WARS2: variants seen among roughly 807,000 people sequenced by gnomAD.
WARS2 encodes the protein tryptophan--tRNA ligase, mitochondrial.
A neutral mutation model predicts 36.5 loss-of-function variants in WARS2; 28 were observed. The ratio of observed to expected loss-of-function variants is 0.77; its 90% CI spans 0.57 to 1.05. WARS2 has a LOEUF of 1.05. WARS2 is among the 50% of genes least tolerant of loss of function. WARS2 has a pLI of 0.00. For synonymous variants in WARS2, 174 were observed against 178.4 expected (o/e 0.98, Z 0.20); for missense variants, 435 against 456.8 (o/e 0.95, Z 0.44).
At chr1:119,098,583 G>A (rs950833532) in intron 1 of WARS2, among the ~76,000 whole-genome samples, 1 of 151,550 alleles carries the variant, frequency 6.6e-6, no homozygotes, top group South Asian at 2.1e-4. Context: ...CATTACAGGC[G>A]CCCGCCATCA....
chr1:119,066,403 G>T (rs1036540236), intron 2 of WARS2, among the ~76,000 whole-genome samples: 1 of 150,914 alleles, frequency 6.6e-6, no homozygotes, highest in South Asian at 2.1e-4. Flanking sequence ...GCGTGAACCT[G>T]GGAGGCAGAG....
chr1:119,113,056 A>G lies in WARS2; in HGVS notation c.90+27499T>C, dbSNP rs587743937. On this transcript the variant is annotated intron_variant, in intron 1 of 5. Coordinates refer to ENST00000235521, the MANE Select transcript of WARS2 (RefSeq NM_015836.4). Reference sequence around the variant, plus strand: ...GAAACATAGTTGACTAAGTGAGTCCATGGTCAGTAGGTAGGGTTTAGAGAT... The same window carrying G: ...GAAACATAGTTGACTAAGTGAGTCCGTGGTCAGTAGGTAGGGTTTAGAGAT... 1.1e-4 allele frequency among the ~76,000 whole-genome samples: 17 copies of G among 152,340 alleles called. No homozygotes were observed. In the South Asian group the frequency reaches 3.3e-3, roughly 30 times the overall value.
intron 1 of WARS2, among the ~76,000 whole-genome samples, chr1:119,108,203 T>G (rs1187689903): frequency 6.6e-6 from 1 of 152,080 alleles, no homozygotes; most frequent in African/African-American, 2.4e-5. Context: ...GTTCACAGAA[T>G]GAGTTTGGAA....
At chr1:119,140,378 T>G (rs1369028374) in intron 1 of WARS2, 177 bp downstream of exon 1, 3 of 471,950 alleles carry the variant, frequency 6.4e-6, no homozygotes, top group Non-Finnish European at 1.1e-5. Context: ...TCATCACGTA[T>G]CCTTGCAACG....
chr1:119,118,040 G>C (rs1451772012), intron 1 of WARS2, among the ~76,000 whole-genome samples: 1 of 152,082 alleles, frequency 6.6e-6, no homozygotes, highest in African/African-American at 2.4e-5. Context: ...ACCCACAAAA[G>C]ATCACAGTAG....
intron 1 of WARS2, among the ~76,000 whole-genome samples, chr1:119,137,673 C>T (rs4387216): frequency 0.49 from 75,152 of 152,002 alleles, 19,716 homozygotes; most frequent in African/African-American, 0.65. Context: ...CAGATCTTAA[C>T]TCCTCTGACT....
intron 1 of WARS2, among the ~76,000 whole-genome samples, chr1:119,079,271 T>C (rs7525871): frequency 0.25 from 38,628 of 151,994 alleles, 5,135 homozygotes; most frequent in African/African-American, 0.3. Flanking sequence ...CAGTATAACA[T>C]TGATTTTTAA....
intron 5 of WARS2, 79 bp from the exon 6 acceptor site, chr1:119,033,438 T>C: frequency 6.5e-7 from 1 of 1,546,536 alleles, no homozygotes. Context: ...ACACAGACAG[T>C]TCCCAACTTG....
At chr1:119,086,121 A>T (rs1652641757) in intron 1 of WARS2, among the ~76,000 whole-genome samples, 4 of 152,160 alleles carry the variant, frequency 2.6e-5, no homozygotes, top group Admixed American at 1.3e-4. Context: ...TGGCCTCCCA[A>T]AGTTCTGGGA....
At chr1:119,125,652 C>A (rs1210081405) in intron 1 of WARS2, among the ~76,000 whole-genome samples, 1 of 152,078 alleles carries the variant, frequency 6.6e-6, no homozygotes, top group African/African-American at 2.4e-5. Context: ...GACAATGGGT[C>A]CAAAAAATTT....
At chr1:119,046,396 T>G (rs928330915) in intron 2 of WARS2, among the ~76,000 whole-genome samples, 1 of 149,974 alleles carries the variant, frequency 6.7e-6, no homozygotes, top group Admixed American at 6.7e-5. Context: ...TCGCCCAGGC[T>G]GCAGTGCAGT....
chr1:119,122,339 T>C (rs1375613575), intron 1 of WARS2, among the ~76,000 whole-genome samples: 3 of 152,216 alleles, frequency 2.0e-5, no homozygotes, highest in East Asian at 3.9e-4. Context: ...AAAACCACAA[T>C]GTGATACCAC....
chr1:119,134,889 G>A (rs1656377240), intron 1 of WARS2, among the ~76,000 whole-genome samples: 1 of 152,154 alleles, frequency 6.6e-6, no homozygotes, highest in South Asian at 2.1e-4. Context: ...AAAAGAACTA[G>A]AGTAAGTGTT....
chr1:119,031,236 T>G lies in WARS2; in HGVS notation c.*1675A>C, dbSNP rs183211357. 2.0e-4 allele frequency: 30 copies of G among 152,346 alleles called. No homozygotes were observed. Among genetic ancestry groups the G allele is most frequent in the Admixed American group, 1.7e-3 (26 of 15,304 alleles). 9.4% of individuals were successfully genotyped at this position (152,346 alleles called of 1,614,324 possible). A position where few individuals can be genotyped will look rare whatever the true frequency, so the allele number is the denominator to read the frequency against. ...GACAATTGGCTTGATAGATCTACCT[T>G]TAGTTTTGTCATTTTCCAGTATTCA... On this transcript the variant is annotated 3_prime_UTR_variant, in exon 6 of 6. Transcript: ENST00000235521.
intron 1 of WARS2, among the ~76,000 whole-genome samples, chr1:119,124,730 G>C (rs1254480532): frequency 6.6e-6 from 1 of 151,968 alleles, no homozygotes; most frequent in Non-Finnish European, 1.5e-5. Context: ...ACTTACATCA[G>C]ATCAGGTTAT....
chr1:119,052,058 C>T (rs1649411753), intron 2 of WARS2, among the ~76,000 whole-genome samples: 2 of 151,996 alleles, frequency 1.3e-5, no homozygotes, highest in Non-Finnish European at 2.9e-5. Flanking sequence ...CCGCACCCGG[C>T]CCTTGCTGTA....
At chr1:119,117,618 G>T (rs1043080623) in intron 1 of WARS2, among the ~76,000 whole-genome samples, 3 of 152,204 alleles carry the variant, frequency 2.0e-5, no homozygotes, top group African/African-American at 7.2e-5. Context: ...TTCACTGTGA[G>T]CATAACCAGT....
intron 1 of WARS2, chr1:119,139,586 G>A (rs1408731405): frequency 6.6e-6 from 1 of 152,180 alleles, no homozygotes; most frequent in Non-Finnish European, 1.5e-5. Flanking sequence ...CCAAACCCTT[G>A]ACCTCTAGGC....
At chr1:119,048,035 G>T (rs1330002407) in intron 2 of WARS2, among the ~76,000 whole-genome samples, 1 of 152,192 alleles carries the variant, frequency 6.6e-6, no homozygotes, top group African/African-American at 2.4e-5. Flanking sequence ...TTGAATGCGT[G>T]GGCAATAGCA....
Sources: gnomAD v4.1 joint callset for allele counts (sites outside exome capture counted in the v4.1 genomes callset) on GRCh38, gnomAD v4.1.1 for gene constraint, MANE v1.5 for transcripts, NCBI Gene and HGNC (gene_info 2026-07-23, HGNC 2026-07-21) for gene names.